The following ZNF385D variants were observed in gnomAD, a reference collection of about 807,000 sequenced individuals.
ZNF385D encodes the protein zinc finger protein 385D, also known as zinc finger protein 659.
In ZNF385D, 15 loss-of-function variants were observed where a neutral mutation model predicts 35.8. The ratio of observed to expected loss-of-function variants is 0.42; its 90% CI spans 0.28 to 0.64. The LOEUF is 0.64. Among genes scored for constraint, ZNF385D ranks in the 30% least tolerant of loss-of-function variants. ZNF385D has a pLI of 0.23. For synonymous variants in ZNF385D, 212 were observed against 186.8 expected, an observed-to-expected ratio of 1.13 and a Z score of -1.10; for missense variants, 474 against 494.6, an observed-to-expected ratio of 0.96 and a Z score of 0.39.
chr3:21,933,218 C>CT (rs1701099655), intron 3 of ZNF385D, among the ~76,000 whole-genome samples: 3 of 152,248 alleles, frequency 2.0e-5, no homozygotes, highest in African/African-American at 7.2e-5. Flanking sequence ...TTTTATGTTG[C>CT]TTTTTCTCTT....
chr3:22,165,852 G>T (rs1706280792), intron 3 of ZNF385D, among the ~76,000 whole-genome samples: 1 of 152,014 alleles, frequency 6.6e-6, no homozygotes, highest in South Asian at 2.1e-4. Flanking sequence ...AACTATTAAG[G>T]ATTACTACAG....
chr3:21,605,129 C>T (rs1223217596), intron 2 of ZNF385D, among the ~76,000 whole-genome samples: 8 of 151,988 alleles, frequency 5.3e-5, no homozygotes, highest in South Asian at 4.2e-4. Context: ...GAGTATTCAT[C>T]GGAGTATAAA....
intron 3 of ZNF385D, among the ~76,000 whole-genome samples, chr3:22,005,908 G>C (rs1018599832): frequency 6.6e-6 from 1 of 152,070 alleles, no homozygotes; most frequent in South Asian, 2.1e-4. Context: ...TTATTTTTGA[G>C]TCTGTCTTCA....
rs60799562 is a variant in ZNF385D, at chr3:22,007,058, C to T, written c.325+161759G>A. On this transcript the variant is annotated intron_variant, in intron 3 of 5. Transcript: ENST00000494108. ...CAATATCAGTTTTTCAAAACTCTCACTTATTAATATTTTTGAAAAGGCAAA... is the reference window on the plus strand; with the variant it reads ...CAATATCAGTTTTTCAAAACTCTCATTTATTAATATTTTTGAAAAGGCAAA... Among the ~76,000 whole-genome samples the T allele has an allele frequency of 2.5e-3, 382 of 152,164 alleles. 2 individuals carry two copies. Among genetic ancestry groups the T allele is most frequent in the African/African-American group, 8.8e-3 (364 of 41,540 alleles).
At chr3:22,253,299 T>G (rs986636965) in intron 2 of ZNF385D, among the ~76,000 whole-genome samples, 1 of 151,712 alleles carries the variant, frequency 6.6e-6, no homozygotes, top group African/African-American at 2.4e-5. Context: ...TTGTAAAAAC[T>G]AAGAAATAGA....
chr3:21,780,850 A>T (rs1455339228), intron 3 of ZNF385D, among the ~76,000 whole-genome samples: 1 of 152,086 alleles, frequency 6.6e-6, no homozygotes, highest in Non-Finnish European at 1.5e-5. Flanking sequence ...TGTAAGATCC[A>T]CTTAGTAAAA....
intron 4 of ZNF385D, among the ~76,000 whole-genome samples, chr3:21,475,956 T>A (rs1433253502): frequency 6.6e-6 from 1 of 151,436 alleles, no homozygotes; most frequent in East Asian, 2.0e-4. Flanking sequence ...TCTATGTATT[T>A]TGCATGCCCA....
At chr3:22,274,798 TTA>T (rs1491187121) in intron 2 of ZNF385D, among the ~76,000 whole-genome samples, 320 of 144,866 alleles carry the variant, frequency 2.2e-3, no homozygotes, top group African/African-American at 5.8e-3. Context: ...TTTTTTTTTT[TTA>T]AAAGTCTTCT....
chr3:21,890,896 T>C (rs1192765420), intron 3 of ZNF385D, among the ~76,000 whole-genome samples: 1 of 152,182 alleles, frequency 6.6e-6, no homozygotes, highest in Non-Finnish European at 1.5e-5. Flanking sequence ...TGTACGATTT[T>C]TGTTTTTATA....
At chr3:22,127,001 C>T (rs1202499345) in intron 3 of ZNF385D, among the ~76,000 whole-genome samples, 1 of 151,942 alleles carries the variant, frequency 6.6e-6, no homozygotes, top group Non-Finnish European at 1.5e-5. Context: ...TATTCCTGTT[C>T]TTTTTTGGCT....
At chr3:22,319,447 C>CT (rs973224249) in intron 2 of ZNF385D, among the ~76,000 whole-genome samples, 5 of 151,850 alleles carry the variant, frequency 3.3e-5, no homozygotes, top group South Asian at 2.1e-4. Flanking sequence ...AATTAATATA[C>CT]TTTTTTTAAA....
intron 3 of ZNF385D, among the ~76,000 whole-genome samples, chr3:22,073,796 T>C (rs1700339235): frequency 6.6e-6 from 1 of 151,970 alleles, no homozygotes; most frequent in South Asian, 2.1e-4. Context: ...AGCATACTAT[T>C]TTTAGAATTT....
At chr3:21,471,117 A>C (rs1487191654) in intron 4 of ZNF385D, among the ~76,000 whole-genome samples, 1 of 152,180 alleles carries the variant, frequency 6.6e-6, no homozygotes, top group African/African-American at 2.4e-5. Flanking sequence ...TGGTTTGCCC[A>C]AGATCAGACA....
intron 3 of ZNF385D, among the ~76,000 whole-genome samples, chr3:22,031,488 C>T (rs76632775): frequency 0.047 from 7,088 of 152,298 alleles, 225 homozygotes; most frequent in Middle Eastern, 0.099. Flanking sequence ...CCTTTGAAGC[C>T]ATGGCCTGAG....
At chr3:21,463,737 C>T (rs2125320141) in intron 4 of ZNF385D, among the ~76,000 whole-genome samples, 1 of 152,330 alleles carries the variant, frequency 6.6e-6, no homozygotes, top group East Asian at 1.9e-4. Flanking sequence ...GGAGAAACCT[C>T]TTCTGATCTG....
chr3:21,681,254 A>G (rs1387292914), intron 1 of ZNF385D, among the ~76,000 whole-genome samples: 1 of 145,616 alleles, frequency 6.9e-6, no homozygotes, highest in African/African-American at 2.5e-5. Flanking sequence ...TTTATTTTAA[A>G]TAAGTCATAG....
chr3:22,244,102 A>G lies in ZNF385D; in HGVS notation c.107-75067T>C, dbSNP rs144608471. Among the ~76,000 whole-genome samples, 653 of 150,828 alleles carry G rather than the reference A, an allele frequency of 4.3e-3. 34 individuals carry two copies. Among genetic ancestry groups the G allele is most frequent in the African/African-American group, 0.015 (613 of 40,784 alleles). ...ACTTTTTATATTTCCCCTTGAAGCC[A>G]ATGAACCTCTACAAAATCTACAGTT... On this transcript the variant is annotated intron_variant, in intron 2 of 5. Transcript: ENST00000494108.
intron 3 of ZNF385D, among the ~76,000 whole-genome samples, chr3:22,162,144 G>A (rs3932414): frequency 0.77 from 117,327 of 152,134 alleles, 46,347 homozygotes; most frequent in African/African-American, 0.95. Flanking sequence ...TGGAAAATAA[G>A]AGTTAAGGAA....
At chr3:21,773,820 G>A (rs374910795) in intron 3 of ZNF385D, among the ~76,000 whole-genome samples, 10 of 152,090 alleles carry the variant, frequency 6.6e-5, no homozygotes, top group African/African-American at 2.4e-4. Context: ...TACACTTGGT[G>A]GGAGTGTAAA....
Sources: gnomAD v4.1 joint callset for allele counts (sites outside exome capture counted in the v4.1 genomes callset) on GRCh38, gnomAD v4.1.1 for gene constraint, MANE v1.5 for transcripts, NCBI Gene and HGNC (gene_info 2026-07-23, HGNC 2026-07-21) for gene names.